SLC25A26: variants seen among roughly 807,000 people sequenced by gnomAD.
SLC25A26 encodes mitochondrial S-adenosylmethionine carrier protein.
A neutral mutation model predicts 37.8 loss-of-function variants in SLC25A26; 36 were observed. The ratio of observed to expected loss-of-function variants is 0.95; its 90% CI spans 0.73 to 1.26. The LOEUF (loss-of-function observed/expected upper bound fraction) is 1.26. Ranked by LOEUF, SLC25A26 falls within the 50% of genes most tolerant of loss-of-function variation. The probability of loss-of-function intolerance (pLI) is 0.00; values close to 1 mark genes in which losing one functional copy is unlikely to be tolerated. For missense variants in SLC25A26, 390 were observed against 331.1 expected (o/e 1.18, Z -1.38); for synonymous variants, 129 against 122.5 (o/e 1.05, Z -0.35).
At chr3:66,351,832 C>G (rs1416294580) in intron 6 of SLC25A26, among the ~76,000 whole-genome samples, 1 of 152,196 alleles carries the variant, frequency 6.6e-6, no homozygotes, top group Non-Finnish European at 1.5e-5. Context: ...GTTCACTGTT[C>G]TAGTTCAAGC....
chr3:66,202,208 G>T (rs2071120118), intron 1 of SLC25A26, among the ~76,000 whole-genome samples: 1 of 152,072 alleles, frequency 6.6e-6, no homozygotes, highest in African/African-American at 2.4e-5. Context: ...CATGTCCTTT[G>T]CAGGGACATG....
At chr3:66,234,896 C>T (rs1276599619) in intron 1 of SLC25A26, among the ~76,000 whole-genome samples, 1 of 152,046 alleles carries the variant, frequency 6.6e-6, no homozygotes, top group Non-Finnish European at 1.5e-5. Flanking sequence ...TTACATGGTT[C>T]TGATTTCAAA....
At chr3:66,242,694 C>G (rs901041756) in intron 2 of SLC25A26, among the ~76,000 whole-genome samples, 20 of 152,204 alleles carry the variant, frequency 1.3e-4, no homozygotes, top group African/African-American at 4.3e-4. Context: ...AATTAAATGG[C>G]TGATTGTTTT....
At chr3:66,372,903 A>G (rs1008607029) in intron 9 of SLC25A26, among the ~76,000 whole-genome samples, 1 of 152,082 alleles carries the variant, frequency 6.6e-6, no homozygotes, top group Non-Finnish European at 1.5e-5. Context: ...TGGGTTTTCC[A>G]GCAGACACCA....
intron 9 of SLC25A26, among the ~76,000 whole-genome samples, chr3:66,372,942 G>A (rs1034268700): frequency 3.9e-5 from 6 of 152,172 alleles, no homozygotes; most frequent in Admixed American, 6.5e-5. Flanking sequence ...GAATGGTGCT[G>A]CCCTCTCGGG....
At chr3:66,343,149 C>T (rs538175530) in intron 5 of SLC25A26, among the ~76,000 whole-genome samples, 6 of 152,242 alleles carry the variant, frequency 3.9e-5, no homozygotes, top group East Asian at 3.9e-4. Flanking sequence ...AGCTTTCTGA[C>T]GGGCCCACGT....
intron 1 of SLC25A26, among the ~76,000 whole-genome samples, chr3:66,187,455 C>T (rs990632724): frequency 1.3e-4 from 20 of 152,248 alleles, no homozygotes; most frequent in Non-Finnish European, 2.1e-4. Context: ...ATATGACCCA[C>T]ATCTTGAAAC....
At chr3:66,326,832 A>G (rs1026502475) in intron 5 of SLC25A26, among the ~76,000 whole-genome samples, 2 of 152,194 alleles carry the variant, frequency 1.3e-5, no homozygotes, top group African/African-American at 2.4e-5. Context: ...AATTAATGGC[A>G]GAAAGCCCGG....
At chr3:66,192,846 G>A (rs1049661344) in intron 1 of SLC25A26, among the ~76,000 whole-genome samples, 14 of 152,218 alleles carry the variant, frequency 9.2e-5, no homozygotes, top group Non-Finnish European at 2.1e-4. Context: ...ACATATTTGT[G>A]TATATTTGCC....
At chr3:66,160,156 C>T (rs1484449606) in intron 1 of SLC25A26, among the ~76,000 whole-genome samples, 1 of 152,086 alleles carries the variant, frequency 6.6e-6, no homozygotes, top group Non-Finnish European at 1.5e-5. Context: ...TCATGCGCCA[C>T]CACACCTGGT....
At chr3:66,314,739 G>A (rs6781752) in intron 5 of SLC25A26, among the ~76,000 whole-genome samples, 35,943 of 151,242 alleles carry the variant, frequency 0.24, 4,946 homozygotes, top group African/African-American at 0.38. Context: ...CTGTAAAACC[G>A]TCTGGTTCTG....
At chr3:66,205,273 G>A (rs1362097692) in intron 1 of SLC25A26, among the ~76,000 whole-genome samples, 1 of 152,116 alleles carries the variant, frequency 6.6e-6, no homozygotes, top group Non-Finnish European at 1.5e-5. Flanking sequence ...TTCCTTTATG[G>A]AATGATTTTA....
chr3:66,287,586 A>G (rs1481861862), intron 5 of SLC25A26, among the ~76,000 whole-genome samples: 1 of 152,210 alleles, frequency 6.6e-6, no homozygotes, highest in Non-Finnish European at 1.5e-5. Flanking sequence ...AGATTGTGCC[A>G]TTAGTTTTTA....
chr3:66,369,038 A>AC (rs1483721466), intron 7 of SLC25A26, among the ~76,000 whole-genome samples: 33 of 23,356 alleles, frequency 1.4e-3, no homozygotes, highest in Non-Finnish European at 2.3e-3. Flanking sequence ...AAAAAAAAAA[A>AC]AAAAACAAAA....
chr3:66,308,651 T>G (rs1376731116), intron 5 of SLC25A26, among the ~76,000 whole-genome samples: 4 of 151,056 alleles, frequency 2.6e-5, no homozygotes, highest in Admixed American at 6.6e-5. Flanking sequence ...TCATAACTAT[T>G]CCATAACTAT....
At chr3:66,363,801 G>T (rs1265185267) in intron 7 of SLC25A26, among the ~76,000 whole-genome samples, 1 of 152,092 alleles carries the variant, frequency 6.6e-6, no homozygotes, top group Non-Finnish European at 1.5e-5. Context: ...AAAACAAAAT[G>T]TTCATTTTAT....
chr3:66,156,368 G>GT (rs2070283072), intron 1 of SLC25A26, among the ~76,000 whole-genome samples: 1 of 152,114 alleles, frequency 6.6e-6, no homozygotes. Flanking sequence ...CAACAAACAA[G>GT]TATATGAGCA....
chr3:66,216,641 CTTAAATTA>C (rs1471495871), upstream of SLC25A26, among the ~76,000 whole-genome samples: 1 of 150,768 alleles, frequency 6.6e-6, no homozygotes, highest in Non-Finnish European at 1.5e-5. Flanking sequence ...TTGTGCTAGG[CTTAAATTA>C]TTTTTTGAGC....
intron 1 of SLC25A26, among the ~76,000 whole-genome samples, chr3:66,170,052 G>T (rs1316829380): frequency 6.6e-6 from 1 of 152,156 alleles, no homozygotes; most frequent in Non-Finnish European, 1.5e-5. Flanking sequence ...TGGGCAACCA[G>T]TATTTTTGCT....
Sources: gnomAD v4.1 joint callset for allele counts (sites outside exome capture counted in the v4.1 genomes callset) on GRCh38, gnomAD v4.1.1 for gene constraint, MANE v1.5 for transcripts, NCBI Gene and HGNC (gene_info 2026-07-23, HGNC 2026-07-21) for gene names.